The following CTNNA3 variants were observed in gnomAD, a reference collection of about 807,000 sequenced individuals.
The protein encoded by CTNNA3 is catenin alpha 3.
CTNNA3 carries 76 observed loss-of-function variants against 95.7 expected under a neutral mutation model. The observed-to-expected ratio is 0.79, with a 90% CI of 0.66 to 0.96. The LOEUF is 0.96. Ranked by LOEUF, CTNNA3 falls within the 40% of genes least tolerant of loss-of-function variation. The pLI is 0.00. For synonymous variants in CTNNA3, 431 were observed against 374.4 expected, an observed-to-expected ratio of 1.15 and a Z score of -1.74; for missense variants, 1,191 against 1,089.8, an observed-to-expected ratio of 1.09 and a Z score of -1.31.
intron 13 of CTNNA3, among the ~76,000 whole-genome samples, chr10:66,176,961 A>G (rs1025135309): frequency 4.0e-5 from 6 of 150,538 alleles, no homozygotes; most frequent in Admixed American, 6.6e-5. Context: ...TCTTAAGGGA[A>G]AAAAAAAAGT....
chr10:66,415,939 A>T (rs1331591045), intron 11 of CTNNA3, among the ~76,000 whole-genome samples: 1 of 152,230 alleles, frequency 6.6e-6, no homozygotes, highest in East Asian at 1.9e-4. Context: ...ATCATGAAAA[A>T]GCAAGAATAT....
chr10:67,234,969 C>T (rs548204793), intron 5 of CTNNA3, among the ~76,000 whole-genome samples: 1,377 of 123,104 alleles, frequency 0.011, 9 homozygotes, highest in African/African-American at 0.026. Context: ...ATGTGAAGGA[C>T]CTCTTCAAGG....
chr10:66,877,487 T>A (rs1844671111), intron 7 of CTNNA3, among the ~76,000 whole-genome samples: 1 of 152,156 alleles, frequency 6.6e-6, no homozygotes, highest in African/African-American at 2.4e-5. Flanking sequence ...CTGCCTTTTA[T>A]TACTATCTCA....
chr10:66,142,543 T>A (rs1324714713), intron 13 of CTNNA3, among the ~76,000 whole-genome samples: 1 of 152,132 alleles, frequency 6.6e-6, no homozygotes, highest in Non-Finnish European at 1.5e-5. Context: ...AATAACTTTC[T>A]GAGATTTTGA....
intron 7 of CTNNA3, among the ~76,000 whole-genome samples, chr10:66,836,259 C>A (rs924399531): frequency 2.0e-5 from 3 of 152,146 alleles, no homozygotes; most frequent in Non-Finnish European, 4.4e-5. Flanking sequence ...GGACTTGATA[C>A]GTGCAAAACC....
chr10:66,766,435 T>A lies in CTNNA3; in HGVS notation c.1129-19A>T. 6.3e-7 allele frequency: 1 copy of A among 1,583,566 alleles called. No homozygotes were observed. Among genetic ancestry groups the A allele is most frequent in the Non-Finnish European group, 8.6e-7 (1 of 1,163,728 alleles). On this transcript the variant is annotated intron_variant, in intron 8 of 17. Transcript: ENST00000433211. ...TGCGGAGCTGAGAAGAAATGAAAAA[T>A]TCAGGTTTTTTTTTTCCAGGAAATA...
chr10:66,870,253 G>A (rs35945023), intron 7 of CTNNA3, among the ~76,000 whole-genome samples: 10,099 of 152,172 alleles, frequency 0.066, 439 homozygotes, highest in Middle Eastern at 0.12. Flanking sequence ...TCTGATGCTA[G>A]TCATTACTAT....
intron 11 of CTNNA3, among the ~76,000 whole-genome samples, chr10:66,397,836 C>T (rs16922959): frequency 0.05 from 7,571 of 151,848 alleles, 320 homozygotes; most frequent in East Asian, 0.21. Flanking sequence ...AGACTGATCA[C>T]AATGTGTATA....
At chr10:66,301,927 T>C (rs1453657256) in intron 12 of CTNNA3, among the ~76,000 whole-genome samples, 1 of 152,018 alleles carries the variant, frequency 6.6e-6, no homozygotes, top group Non-Finnish European at 1.5e-5. Context: ...ATTGTCTATA[T>C]AGAAAATAGC....
chr10:67,292,405 T>C (rs1839873674), intron 5 of CTNNA3, among the ~76,000 whole-genome samples: 1 of 152,156 alleles, frequency 6.6e-6, no homozygotes, highest in South Asian at 2.1e-4. Context: ...GGTATTTTTT[T>C]TTCCGAGTCC....
chr10:66,294,731 G>T (rs1194486068), intron 12 of CTNNA3, among the ~76,000 whole-genome samples: 1 of 152,060 alleles, frequency 6.6e-6, no homozygotes, highest in Non-Finnish European at 1.5e-5. Flanking sequence ...GATGACTAAG[G>T]TATTGACTAA....
intron 7 of CTNNA3, among the ~76,000 whole-genome samples, chr10:66,934,572 A>G (rs1347161483): frequency 2.6e-5 from 4 of 152,158 alleles, no homozygotes; most frequent in Non-Finnish European, 5.9e-5. Flanking sequence ...GCAATTGAAA[A>G]AACAGGATAT....
intron 13 of CTNNA3, among the ~76,000 whole-genome samples, chr10:66,117,896 T>A (rs1325472521): frequency 6.6e-6 from 1 of 152,140 alleles, no homozygotes; most frequent in Non-Finnish European, 1.5e-5. Context: ...GGATATACAG[T>A]GTGAAGTCTG....
intron 7 of CTNNA3, among the ~76,000 whole-genome samples, chr10:66,947,340 A>C (rs2132705975): frequency 6.6e-6 from 1 of 152,336 alleles, no homozygotes; most frequent in Middle Eastern, 3.4e-3. Flanking sequence ...AAACAGAGCT[A>C]TCACACTCAA....
At chr10:66,177,301 C>A (rs2085764674) in intron 13 of CTNNA3, among the ~76,000 whole-genome samples, 1 of 151,538 alleles carries the variant, frequency 6.6e-6, no homozygotes, top group South Asian at 2.1e-4. Context: ...AGGTTAGAAG[C>A]AAAAATGAGA....
intron 5 of CTNNA3, among the ~76,000 whole-genome samples, chr10:67,301,635 GTA>G (rs112854094): frequency 0.25 from 38,072 of 151,094 alleles, 6,968 homozygotes; most frequent in African/African-American, 0.51. Context: ...AGAAAAAGTG[GTA>G]TATATATATA....
intron 12 of CTNNA3, among the ~76,000 whole-genome samples, chr10:66,360,693 T>TC (rs1320310467): frequency 1.2e-5 from 1 of 81,838 alleles, no homozygotes; most frequent in Non-Finnish European, 2.9e-5. Flanking sequence ...CTTCCTTCCT[T>TC]TTCTTTCTTT....
At chr10:67,439,475 A>G (rs1846420187) in intron 5 of CTNNA3, among the ~76,000 whole-genome samples, 1 of 152,100 alleles carries the variant, frequency 6.6e-6, no homozygotes, top group Non-Finnish European at 1.5e-5. Context: ...GAGAGGGGGA[A>G]GGTGCTACAC....
chr10:66,761,033 G>A (rs1839579717), intron 9 of CTNNA3, among the ~76,000 whole-genome samples: 1 of 152,124 alleles, frequency 6.6e-6, no homozygotes, highest in Admixed American at 6.6e-5. Context: ...TGGAAAAGCT[G>A]TATTTATTTA....
Sources: allele counts gnomAD v4.1 joint callset (sites outside exome capture counted in the v4.1 genomes callset), GRCh38; gene constraint gnomAD v4.1.1; transcripts MANE v1.5; gene names NCBI Gene and HGNC (gene_info 2026-07-23, HGNC 2026-07-21).